Variants in SPAG16 observed in about 807,000 individuals in gnomAD.
SPAG16 encodes the protein sperm-associated antigen 16 protein.
A neutral mutation model predicts 80.4 loss-of-function variants in SPAG16; 86 were observed. The observed-to-expected ratio is 1.07, with a 90% CI of 0.90 to 1.28. SPAG16 has a LOEUF of 1.28. Ranked by LOEUF, SPAG16 falls within the 50% of genes most tolerant of loss-of-function variation. SPAG16 has a pLI of 0.00. For missense variants in SPAG16, 870 were observed against 765.3 expected, an observed-to-expected ratio of 1.14 and a Z score of -1.61; for synonymous variants, 294 against 265.9, an observed-to-expected ratio of 1.11 and a Z score of -1.03.
chr2:213,668,091 C>T (rs944153810), intron 10 of SPAG16, among the ~76,000 whole-genome samples: 1 of 152,016 alleles, frequency 6.6e-6, no homozygotes, highest in African/African-American at 2.4e-5. Flanking sequence ...CAGGCATGTG[C>T]CACCACGCCC....
At chr2:213,582,106 A>G (rs1466588851) in intron 10 of SPAG16, among the ~76,000 whole-genome samples, 1 of 152,138 alleles carries the variant, frequency 6.6e-6, no homozygotes, top group African/African-American at 2.4e-5. Flanking sequence ...TATTTAATTT[A>G]CAATATAAAC....
intron 13 of SPAG16, among the ~76,000 whole-genome samples, chr2:214,042,216 C>A (rs966249930): frequency 1.2e-4 from 18 of 151,442 alleles, no homozygotes; most frequent in African/African-American, 3.9e-4. Context: ...GCTTCAGCCT[C>A]CCAAGTAGCT....
chr2:214,230,995 T>C (rs1255844418), intron 15 of SPAG16, among the ~76,000 whole-genome samples: 1 of 151,946 alleles, frequency 6.6e-6, no homozygotes, highest in Non-Finnish European at 1.5e-5. Context: ...ATTGGAAGCA[T>C]AGTCAAGGGG....
At chr2:214,158,679 T>A (rs190662825) in intron 15 of SPAG16, among the ~76,000 whole-genome samples, 215 of 152,126 alleles carry the variant, frequency 1.4e-3, no homozygotes, top group African/African-American at 5.0e-3. Context: ...GTAGTATTTT[T>A]AAAATAGGTA....
chr2:214,165,469 C>CTTTTTTTTTTTT (rs67726428), intron 15 of SPAG16, among the ~76,000 whole-genome samples: 6 of 37,856 alleles, frequency 1.6e-4, no homozygotes, highest in African/African-American at 7.0e-4. Context: ...CATCACCATC[C>CTTTTTTTTTTTT]TTTTTTTTTT....
chr2:213,432,196 A>T (rs1428873464), intron 9 of SPAG16, among the ~76,000 whole-genome samples: 1 of 152,140 alleles, frequency 6.6e-6, no homozygotes, highest in Non-Finnish European at 1.5e-5. Context: ...GAAAATCAAG[A>T]TCAAACCAAA....
At chr2:213,539,425 T>C (rs2125911615) in intron 10 of SPAG16, among the ~76,000 whole-genome samples, 1 of 152,324 alleles carries the variant, frequency 6.6e-6, no homozygotes, top group East Asian at 1.9e-4. Context: ...GCCAAAAACT[T>C]ATTACTCGAG....
chr2:213,292,814 T>C (rs1289232651), intron 1 of SPAG16, among the ~76,000 whole-genome samples: 1 of 152,074 alleles, frequency 6.6e-6, no homozygotes, highest in Admixed American at 6.5e-5. Flanking sequence ...TTTTTTTCCA[T>C]AGATACTCAT....
At chr2:213,308,393 A>T (rs2063039812) in intron 3 of SPAG16, among the ~76,000 whole-genome samples, 1 of 152,102 alleles carries the variant, frequency 6.6e-6, no homozygotes, top group South Asian at 2.1e-4. Context: ...CTTTTATCCA[A>T]AATGCTTGGG....
intron 10 of SPAG16, among the ~76,000 whole-genome samples, chr2:213,613,085 T>A (rs1272483447): frequency 3.9e-5 from 6 of 152,220 alleles, no homozygotes; most frequent in African/African-American, 1.4e-4. Context: ...ATGCAGTATC[T>A]GACCACTTCT....
At chr2:214,336,115 G>T (rs745806115) in intron 15 of SPAG16, among the ~76,000 whole-genome samples, 3 of 152,090 alleles carry the variant, frequency 2.0e-5, no homozygotes, top group Non-Finnish European at 4.4e-5. Flanking sequence ...CATGGATTTA[G>T]TTATCTTGTT....
intron 9 of SPAG16, among the ~76,000 whole-genome samples, chr2:213,420,256 T>C (rs1436289001): frequency 6.6e-6 from 1 of 152,234 alleles, no homozygotes; most frequent in Non-Finnish European, 1.5e-5. Context: ...GATCTGATGA[T>C]GAAATATAAG....
intron 13 of SPAG16, among the ~76,000 whole-genome samples, chr2:214,104,309 G>A (rs1266165302): frequency 6.6e-6 from 1 of 152,190 alleles, no homozygotes; most frequent in Non-Finnish European, 1.5e-5. Context: ...AGAGTTTGGA[G>A]TTCTTTTAGT....
intron 15 of SPAG16, among the ~76,000 whole-genome samples, chr2:214,202,800 C>T (rs968323903): frequency 6.6e-6 from 1 of 152,136 alleles, no homozygotes; most frequent in Non-Finnish European, 1.5e-5. Context: ...AGTCTCCAAA[C>T]AAACGTATTC....
At chr2:213,463,837 G>T (rs2072522099) in intron 9 of SPAG16, among the ~76,000 whole-genome samples, 5 of 152,234 alleles carry the variant, frequency 3.3e-5, no homozygotes, top group Admixed American at 2.0e-4. Context: ...CTGTAGTTCA[G>T]CAAGTGCGAG....
chr2:213,513,584 A>T (rs1221322348), intron 10 of SPAG16, among the ~76,000 whole-genome samples: 1 of 152,000 alleles, frequency 6.6e-6, no homozygotes, highest in Non-Finnish European at 1.5e-5. Context: ...GACCTTCAAG[A>T]TTTTGAGAAG....
At chr2:213,343,619 T>TAAAAG (rs2064809834) in intron 6 of SPAG16, among the ~76,000 whole-genome samples, 4 of 151,986 alleles carry the variant, frequency 2.6e-5, no homozygotes, top group Non-Finnish European at 4.4e-5. Flanking sequence ...CTTAGAGTTT[T>TAAAAG]AAAGAAAATG....
At chr2:214,329,160 T>C (rs1321988708) in intron 15 of SPAG16, among the ~76,000 whole-genome samples, 3 of 152,230 alleles carry the variant, frequency 2.0e-5, no homozygotes, top group African/African-American at 7.2e-5. Context: ...AACAAAGCTG[T>C]CTTTGAAGCT....
intron 12 of SPAG16, among the ~76,000 whole-genome samples, chr2:213,940,467 T>G (rs893748259): frequency 6.6e-6 from 1 of 152,046 alleles, no homozygotes; most frequent in Non-Finnish European, 1.5e-5. Flanking sequence ...TATATTTATT[T>G]TTATTTTTTA....
Sources: gnomAD v4.1 joint callset for allele counts (sites outside exome capture counted in the v4.1 genomes callset) on GRCh38, gnomAD v4.1.1 for gene constraint, MANE v1.5 for transcripts, NCBI Gene and HGNC (gene_info 2026-07-23, HGNC 2026-07-21) for gene names.